EXOC6: variants seen among roughly 807,000 people sequenced by gnomAD.
The protein encoded by EXOC6 is exocyst complex component 6, also known as SEC15-like 1.
A neutral mutation model predicts 112.5 loss-of-function variants in EXOC6; 60 were observed. The observed-to-expected ratio is 0.53, with a 90% CI of 0.43 to 0.66. The LOEUF is 0.66. Ranked by LOEUF, EXOC6 falls within the 30% of genes least tolerant of loss-of-function variation. The pLI is 0.00. For missense variants in EXOC6, 855 were observed against 957.1 expected, an observed-to-expected ratio of 0.89 and a Z score of 1.41; for synonymous variants, 295 against 308.0, an observed-to-expected ratio of 0.96 and a Z score of 0.44.
chr10:92,832,692 C>T (rs1287053445), upstream of EXOC6, among the ~76,000 whole-genome samples: 1 of 145,318 alleles, frequency 6.9e-6, no homozygotes, highest in Non-Finnish European at 1.5e-5. Flanking sequence ...ACATAAAGAA[C>T]TTTTTTTTTT....
At chr10:92,937,595 T>C (rs538474486) in intron 12 of EXOC6, among the ~76,000 whole-genome samples, 178 of 152,296 alleles carry the variant, frequency 1.2e-3, no homozygotes, top group African/African-American at 4.1e-3. Flanking sequence ...GTATGGCTTA[T>C]ATTTTAACAG....
intron 11 of EXOC6, 50 bp downstream of exon 11, chr10:92,934,480 A>G: frequency 6.8e-7 from 1 of 1,475,250 alleles, no homozygotes. Flanking sequence ...TTACTTCAAG[A>G]ACTTCTGAGC....
intron 20 of EXOC6, among the ~76,000 whole-genome samples, chr10:93,025,377 A>G (rs1209108365): frequency 6.6e-6 from 1 of 152,176 alleles, no homozygotes; most frequent in African/African-American, 2.4e-5. Flanking sequence ...AGAGAGTTAC[A>G]AGGCTAGTGA....
chr10:93,034,406 G>A lies in EXOC6; in HGVS notation c.2169+20139G>A, dbSNP rs964734983. Among the ~76,000 whole-genome samples the A allele has an allele frequency of 2.0e-5, 3 of 152,156 alleles. No homozygotes were observed. The East Asian group carries it at 5.8e-4, about 29-fold the overall frequency. ...ATTTTCTTTTATCCTTTTATACATG[G>A]CCTGATAATCTCTCTCTACCATACC... On this transcript the variant is annotated intron_variant, in intron 20 of 21. Coordinates refer to ENST00000260762, the MANE Select transcript of EXOC6 (RefSeq NM_019053.6).
chr10:92,834,882 C>A (rs758972688), intron 1 of EXOC6: 2 of 1,004,814 alleles, frequency 2.0e-6, no homozygotes, highest in South Asian at 3.1e-5. Context: ...TGGTCCTTTA[C>A]CCTGCTTTTT....
intron 1 of EXOC6, among the ~76,000 whole-genome samples, chr10:92,855,352 A>G (rs1043373768): frequency 1.3e-5 from 2 of 152,098 alleles, no homozygotes; most frequent in East Asian, 3.8e-4. Context: ...ATGTTCCACC[A>G]TGCCCAGCTC....
At chr10:93,038,808 C>A (rs1305351202) in intron 20 of EXOC6, among the ~76,000 whole-genome samples, 1 of 152,158 alleles carries the variant, frequency 6.6e-6, no homozygotes, top group South Asian at 2.1e-4. Flanking sequence ...TTACCTCTAC[C>A]CTTGAAGAAC....
chr10:92,839,232 T>C (rs1276323005), intron 1 of EXOC6, among the ~76,000 whole-genome samples: 1 of 152,210 alleles, frequency 6.6e-6, no homozygotes, highest in African/African-American at 2.4e-5. Context: ...GTTCTCATTC[T>C]GTTTAGGTTT....
chr10:92,835,267 C>T (rs1057186516), intron 1 of EXOC6, among the ~76,000 whole-genome samples: 20 of 152,120 alleles, frequency 1.3e-4, no homozygotes, highest in African/African-American at 4.6e-4. Context: ...GGTGACCATT[C>T]AGATATGTAT....
At chr10:92,940,662 C>A in intron 12 of EXOC6, 65 bp from the exon 13 acceptor site, 2 of 1,062,306 alleles carry the variant, frequency 1.9e-6, no homozygotes, top group East Asian at 2.5e-5. Flanking sequence ...TCTAGTATTC[C>A]CAACATTTTT....
intron 14 of EXOC6, among the ~76,000 whole-genome samples, chr10:92,952,030 T>C (rs1008091400): frequency 6.6e-6 from 1 of 152,170 alleles, no homozygotes; most frequent in African/African-American, 2.4e-5. Context: ...ACCAGAGGTA[T>C]TGGTATGTGT....
intron 18 of EXOC6, among the ~76,000 whole-genome samples, chr10:92,995,892 C>T (rs1843462035): frequency 6.6e-6 from 1 of 152,150 alleles, no homozygotes; most frequent in South Asian, 2.1e-4. Context: ...GCAAAAAACT[C>T]ATTCAAAAAG....
chr10:92,936,049 ACTTC>A (rs1354275454), intron 12 of EXOC6, among the ~76,000 whole-genome samples, 164 bp downstream of exon 12: 5 of 152,230 alleles, frequency 3.3e-5, no homozygotes, highest in Non-Finnish European at 7.3e-5. Flanking sequence ...TATTCATACC[ACTTC>A]CTTTTCAATT....
intron 1 of EXOC6, among the ~76,000 whole-genome samples, chr10:92,827,954 C>T (rs1036643145): frequency 6.6e-6 from 1 of 152,264 alleles, no homozygotes; most frequent in Admixed American, 6.5e-5. Flanking sequence ...CCCATTAGCT[C>T]CCCAAATCCT....
chr10:92,923,313 A>T (rs1018295725), intron 8 of EXOC6, among the ~76,000 whole-genome samples: 1 of 152,192 alleles, frequency 6.6e-6, no homozygotes, highest in Admixed American at 6.5e-5. Flanking sequence ...CATTGATCTC[A>T]GATTCTGTTC....
chr10:93,042,976 G>A lies in EXOC6; in HGVS notation c.2170-13948G>A, dbSNP rs935224213. The stretch of plus-strand genomic sequence containing the variant: ...TATTATTATTTTTTGAGATGGAGTC[G>A]CCCAGGCTGGAGTGCAGTGGCGCAA... On this transcript the variant is annotated intron_variant, in intron 20 of 21. Transcript: ENST00000260762. Among the ~76,000 whole-genome samples, 4 of 151,332 alleles carry A rather than the reference G, an allele frequency of 2.6e-5. No individual in the cohort carries two copies. The South Asian group carries it at 6.3e-4, about 24-fold the overall frequency.
At chr10:92,929,897 C>A (rs1851934268) in intron 9 of EXOC6, among the ~76,000 whole-genome samples, 1 of 152,118 alleles carries the variant, frequency 6.6e-6, no homozygotes, top group African/African-American at 2.4e-5. Context: ...GCAAATGAGA[C>A]TGAAGAATAT....
intron 20 of EXOC6, among the ~76,000 whole-genome samples, chr10:93,053,536 CA>C (rs1846404199): frequency 6.6e-6 from 1 of 152,196 alleles, no homozygotes. Flanking sequence ...TCCTCTTTAT[CA>C]ATACCCCAGT....
At chr10:92,997,408 GATTCTTTA>G in intron 18 of EXOC6, 58 bp from the exon 19 acceptor site, 1 of 1,439,478 alleles carries the variant, frequency 6.9e-7, no homozygotes. Flanking sequence ...TGATTTTTCT[GATTCTTTA>G]TGATGTATTT....
Sources: gnomAD v4.1 joint callset for allele counts (sites outside exome capture counted in the v4.1 genomes callset) on GRCh38, gnomAD v4.1.1 for gene constraint, MANE v1.5 for transcripts, NCBI Gene and HGNC (gene_info 2026-07-23, HGNC 2026-07-21) for gene names.